Variants in C16orf96 observed in about 807,000 individuals in gnomAD.
C16orf96 encodes the protein chromosome 16 open reading frame 96, also known as uncharacterized protein C16orf96.
Under a neutral mutation model 103.6 loss-of-function variants are expected in C16orf96, and 108 were observed. That is an observed-to-expected ratio of 1.04 (90% confidence interval 0.89 to 1.22). The LOEUF is 1.22. Among genes scored for constraint, C16orf96 ranks in the 50% most tolerant of loss-of-function variants. The pLI is 0.00. For missense variants in C16orf96, 1,586 were observed against 1,464.2 expected, an observed-to-expected ratio of 1.08 and a Z score of -1.36; for synonymous variants, 566 against 593.5, an observed-to-expected ratio of 0.95 and a Z score of 0.67.
the C16orf96 span, chr16:4,538,777 A>G: frequency 6.6e-6 from 1 of 152,128 alleles, no homozygotes. Context: ...CACTTCTGTC[A>G]CAAGGAGGCG....
upstream of C16orf96, among the ~76,000 whole-genome samples, chr16:4,553,445 C>G (rs943444629): frequency 3.9e-5 from 6 of 152,022 alleles, no homozygotes; most frequent in Non-Finnish European, 8.8e-5. Flanking sequence ...GGGTGTGATT[C>G]TGGCTCACTG....
At position 4,561,261 on chromosome 16, in the gene C16orf96, C is replaced by G. The variant is rs1004733872; in HGVS notation, c.420+4352C>G. 3 of 151,496 alleles carry G rather than the reference C, an allele frequency of 2.0e-5. No individual in the cohort carries two copies. The East Asian group carries it at 5.9e-4, about 30-fold the overall frequency. 9.4% of individuals were successfully genotyped at this position (151,496 alleles called of 1,614,324 possible). ...GGCAGAATTTGCAGTGAGCCAAGAT[C>G]GCGCCACCACACTCCAGCCTGGGTG... On this transcript the variant is annotated intron_variant, in intron 1 of 15. Transcript: ENST00000444310.
At position 4,587,026 on chromosome 16, in the gene C16orf96, C is replaced by A. The variant is rs1896942716; in HGVS notation, c.2353-13C>A. 3.2e-6 allele frequency: 5 copies of A among 1,550,562 alleles called. No homozygotes were observed. The highest frequency in any genetic ancestry group is 4.4e-6 in the Non-Finnish European group (5 of 1,146,300). ...CTCCAGGATGGCAGACATGCCTGTG[C>A]TTCTGTTCTTAGACTCTCCAGGCTC... On this transcript the variant is annotated splice_polypyrimidine_tract_variant and intron_variant, in intron 7 of 15. Transcript: ENST00000444310.
At chr16:4,566,749 T>A (rs1273420232) in intron 1 of C16orf96, among the ~76,000 whole-genome samples, 1 of 152,108 alleles carries the variant, frequency 6.6e-6, no homozygotes, top group Non-Finnish European at 1.5e-5. Context: ...GTTTTAATGA[T>A]TTTCTAGGAA....
At chr16:4,548,157 G>T in the C16orf96 span, among the ~76,000 whole-genome samples, 1 of 152,094 alleles carries the variant, frequency 6.6e-6, no homozygotes, top group Non-Finnish European at 1.5e-5. Flanking sequence ...CAAAGTAAAC[G>T]CAGGCCCGGA....
chr16:4,594,047 G>C (rs934925), intron 12 of C16orf96, among the ~76,000 whole-genome samples: 22,410 of 152,168 alleles, frequency 0.15, 1,879 homozygotes, highest in South Asian at 0.22. Flanking sequence ...GGCCTGTGCT[G>C]ACTCTGCCAC....
chr16:4,538,828 T>G, the C16orf96 span: 3 of 147,826 alleles, frequency 2.0e-5, no homozygotes, highest in East Asian at 2.0e-4. Flanking sequence ...GACGTCACGG[T>G]GGGGGGTGGG....
chr16:4,600,646 AG>A lies in C16orf96; in HGVS notation c.*333del, dbSNP rs1897264693. The stretch of plus-strand genomic sequence containing the variant: ...CTGGATAGAGGGGAGGGGTCTGTGT[AG>A]GGGACCCCCATGCTGACCCAGTGGC... On this transcript the variant is annotated 3_prime_UTR_variant, in exon 16 of 16. Transcript: ENST00000444310. The A allele has an allele frequency of 5.3e-6, 2 of 376,838 alleles. No homozygotes were observed. Among genetic ancestry groups the A allele is most frequent in the Middle Eastern group, 7.7e-4 (1 of 1,296 alleles). The allele number at this position is 376,838 out of a possible 1,614,324, so 23.3% of individuals were successfully genotyped here. A position where few individuals can be genotyped will look rare whatever the true frequency, so the allele number is the denominator to read the frequency against.
At chr16:4,564,061 C>T (rs117306768) in intron 1 of C16orf96, among the ~76,000 whole-genome samples, 3,370 of 151,566 alleles carry the variant, frequency 0.022, 63 homozygotes, top group Non-Finnish European at 0.035. Context: ...AGCTGCTAGT[C>T]GGGAGGCTGA....
Position 4,571,579 on chromosome 16 carries a change from G to C in C16orf96, c.439G>C (p.Asp147His). Residue 147 changes from aspartate to histidine, a missense_variant, in exon 2 of 16, where the codon GAC becomes CAC. Transcript: ENST00000444310. ...TTTGCAGTCAATGCAGACCCTGCAG[G>C]ACTTGCTCACTGATCTTCATGCACT... is the stretch of plus-strand genomic sequence containing the variant. ...VMAKSMQTLQ[D>H]LLTDLHALQV... 2 of 1,552,264 alleles carry C rather than the reference G, an allele frequency of 1.3e-6. No individual in the cohort carries two copies. Among genetic ancestry groups the C allele is most frequent in the South Asian group, 2.4e-5 (2 of 84,056 alleles).
chr16:4,550,103 T>C, the C16orf96 span, among the ~76,000 whole-genome samples: 1 of 132,504 alleles, frequency 7.5e-6, no homozygotes, highest in East Asian at 2.4e-4. Context: ...TTTTTTTTTT[T>C]GAGACAGTTT....
At chr16:4,596,251 C>T (rs1477586622) in intron 14 of C16orf96, among the ~76,000 whole-genome samples, 1 of 152,080 alleles carries the variant, frequency 6.6e-6, no homozygotes, top group African/African-American at 2.4e-5. Context: ...CTTTGGGAGA[C>T]CGAGGCGGGC....
chr16:4,590,862 TAAA>T (rs34497616), intron 9 of C16orf96, among the ~76,000 whole-genome samples: 6 of 92,776 alleles, frequency 6.5e-5, no homozygotes, highest in African/African-American at 8.5e-5. Flanking sequence ...CTACTAAAAG[TAAA>T]AAAAAAAAAA....
intron 1 of C16orf96, among the ~76,000 whole-genome samples, chr16:4,568,786 G>A (rs531200736): frequency 4.6e-5 from 7 of 150,646 alleles, no homozygotes; most frequent in East Asian, 3.9e-4. Flanking sequence ...GCACCACCAC[G>A]CCTGTCTAAT....
chr16:4,555,665 C>G (rs901750333), upstream of C16orf96, among the ~76,000 whole-genome samples: 35 of 151,638 alleles, frequency 2.3e-4, no homozygotes, highest in Admixed American at 2.0e-3. Context: ...GCCACTGTGC[C>G]CGGCCTTTTC....
At chr16:4,584,418 G>A (rs867920096) in intron 7 of C16orf96, among the ~76,000 whole-genome samples, 18 of 144,930 alleles carry the variant, frequency 1.2e-4, no homozygotes, top group African/African-American at 4.1e-4. Flanking sequence ...CGCAATCTTG[G>A]CTCATTGTAA....
At chr16:4,580,310 A>ACCCCCCCCCCCCCCC (rs150403662) in intron 7 of C16orf96, among the ~76,000 whole-genome samples, 185 bp downstream of exon 7, 10 of 104,504 alleles carry the variant, frequency 9.6e-5, no homozygotes, top group Non-Finnish European at 1.4e-4. Context: ...GAATCCCACC[A>ACCCCCCCCCCCCCCC]CCCCCCCCCA....
chr16:4,575,028 G>T lies in C16orf96; in HGVS notation c.663G>T (p.Trp221Cys), dbSNP rs751158306. The T allele has an allele frequency of 6.4e-7, 1 of 1,551,518 alleles. No homozygotes were observed. The highest frequency in any genetic ancestry group is 1.2e-5 in the South Asian group (1 of 84,066). Reference protein sequence around the residue: ...TIPKTEDMVLWSGLHDAMFTS... With the variant: ...TIPKTEDMVLCSGLHDAMFTS... Reference sequence around the variant, plus strand: ...CCAAAACCGAGGACATGGTGCTCTGGAGTGGCCTTCATGATGCCATGTTCA... The same window carrying T: ...CCAAAACCGAGGACATGGTGCTCTGTAGTGGCCTTCATGATGCCATGTTCA... The change falls in exon 4 of 16, where the codon TGG (tryptophan) becomes TGT (cysteine). Residue 221 changes from tryptophan to cysteine, a missense_variant. Physicochemically the swap from Trp to Cys is radical, Grantham distance 215 (BLOSUM62 -2). Coordinates refer to ENST00000444310, the MANE Select transcript of C16orf96 (RefSeq NM_001145011.2).
chr16:4,588,469 G>T (rs1896980834), intron 9 of C16orf96, 138 bp downstream of exon 9: 9 of 976,532 alleles, frequency 9.2e-6, no homozygotes, highest in Non-Finnish European at 1.3e-5. Flanking sequence ...GGTGGCTCAG[G>T]GTTTCCTGTG....
Sources: gnomAD v4.1 joint callset for allele counts (sites outside exome capture counted in the v4.1 genomes callset) on GRCh38, gnomAD v4.1.1 for gene constraint, MANE v1.5 for transcripts, NCBI Gene and HGNC (gene_info 2026-07-23, HGNC 2026-07-21) for gene names.